Variants in KIAA1549 observed in about 807,000 individuals in gnomAD.
KIAA1549 encodes the protein KIAA1549, also known as UPF0606 protein KIAA1549.
KIAA1549 carries 70 observed loss-of-function variants against 156.4 expected under a neutral mutation model. The observed-to-expected ratio is 0.45, with a 90% CI of 0.37 to 0.55. The LOEUF is 0.55. KIAA1549 is among the 20% of genes least tolerant of loss of function. The pLI is 0.00. For synonymous variants in KIAA1549, 1,103 were observed against 1,066.4 expected (o/e 1.03, Z -0.67); for missense variants, 2,428 against 2,540.9 (o/e 0.96, Z 0.96).
chr7:138,960,162 A>G (rs536608504), intron 1 of KIAA1549, among the ~76,000 whole-genome samples: 1 of 152,112 alleles, frequency 6.6e-6, no homozygotes, highest in Non-Finnish European at 1.5e-5. Flanking sequence ...GAGGCTGGGC[A>G]TGGTGGCTTA....
At chr7:138,926,227 C>T (rs1812713895) in intron 1 of KIAA1549, among the ~76,000 whole-genome samples, 1 of 152,198 alleles carries the variant, frequency 6.6e-6, no homozygotes, top group Non-Finnish European at 1.5e-5. Context: ...CCAACAAAAG[C>T]AGTTGATCAT....
chr7:138,927,586 C>T (rs531387532), intron 1 of KIAA1549, among the ~76,000 whole-genome samples: 7 of 152,298 alleles, frequency 4.6e-5, no homozygotes, highest in Admixed American at 1.3e-4. Context: ...TGCAGTGAGC[C>T]GAAACTGTGC....
intron 1 of KIAA1549, among the ~76,000 whole-genome samples, chr7:138,936,056 A>C (rs1360948336): frequency 6.6e-6 from 1 of 152,202 alleles, no homozygotes; most frequent in Non-Finnish European, 1.5e-5. Context: ...GGCAGAGCGG[A>C]AAGAAGCATA....
At chr7:138,846,578 C>G (rs1484428066) in intron 17 of KIAA1549, among the ~76,000 whole-genome samples, 1 of 150,908 alleles carries the variant, frequency 6.6e-6, no homozygotes, top group Non-Finnish European at 1.5e-5. Context: ...AGCAGTTTCA[C>G]CCACCATTGC....
intron 1 of KIAA1549, among the ~76,000 whole-genome samples, chr7:138,924,176 T>C (rs1812642964): frequency 6.6e-6 from 1 of 150,522 alleles, no homozygotes; most frequent in African/African-American, 2.4e-5. Flanking sequence ...GCTGTTCTTT[T>C]CTTTTCTTTT....
chr7:138,944,422 T>C (rs968607035), intron 1 of KIAA1549, among the ~76,000 whole-genome samples: 2 of 151,906 alleles, frequency 1.3e-5, no homozygotes, highest in Admixed American at 6.6e-5. Flanking sequence ...GGTGAAAATA[T>C]AGAGAAATTG....
At chr7:138,902,331 G>A (rs1478078511) in intron 8 of KIAA1549, among the ~76,000 whole-genome samples, 4 of 152,084 alleles carry the variant, frequency 2.6e-5, no homozygotes, top group East Asian at 3.9e-4. Flanking sequence ...TGTCATTTGC[G>A]TCTTTTTCTC....
intron 17 of KIAA1549, among the ~76,000 whole-genome samples, chr7:138,851,132 CTT>C (rs1273325501): frequency 6.6e-6 from 1 of 152,080 alleles, no homozygotes; most frequent in Non-Finnish European, 1.5e-5. Flanking sequence ...ATCTAATAAT[CTT>C]TGTCTTTTAA....
intron 13 of KIAA1549, 138 bp downstream of exon 13, chr7:138,871,017 ATG>A: frequency 2.8e-6 from 2 of 707,310 alleles, no homozygotes; most frequent in Non-Finnish European, 4.6e-6. Context: ...GCGTTTCACC[ATG>A]TTGGCCAGGC....
rs978624081 is a variant in KIAA1549 at position 138,834,106 on chromosome 7, G to T, written c.*3800C>A. On this transcript the variant is annotated 3_prime_UTR_variant, in exon 20 of 20. Transcript: ENST00000422774. ...GAAGTTGACGTCTCCCCAAGATATT[G>T]CATTTCCAAACATGCAACTTCTTCT... 2 of 221,330 alleles carry T rather than the reference G, an allele frequency of 9.0e-6. No individual in the cohort carries two copies. Among genetic ancestry groups the T allele is most frequent in the African/African-American group, 4.5e-5 (2 of 44,618 alleles). 13.7% of individuals were successfully genotyped at this position (221,330 alleles called of 1,614,324 possible).
At chr7:138,976,882 G>C (rs1444697070) in intron 1 of KIAA1549, among the ~76,000 whole-genome samples, 1 of 152,220 alleles carries the variant, frequency 6.6e-6, no homozygotes, top group East Asian at 1.9e-4. Context: ...TAGAGGCTAA[G>C]GGTGAGTCGT....
At position 138,832,191 on chromosome 7, in the gene KIAA1549, C is replaced by CTTTTTTTTTTTTTTTTT. The variant is rs749938588; in HGVS notation, c.*5698_*5714dup. 5.3e-4 allele frequency: 76 copies of CTTTTTTTTTTTTTTTTT among 143,752 alleles called. 1 individual carries two copies. The highest frequency in any genetic ancestry group is 2.4e-3 in the African/African-American group (73 of 30,002). 8.9% of individuals were successfully genotyped at this position (143,752 alleles called of 1,614,324 possible). A position where few individuals can be genotyped will look rare whatever the true frequency, so the allele number is the denominator to read the frequency against. ...TCACCTCTGTCCCTTTTACCTATTC[C>CTTTTTTTTTTTTTTTTT]TTTTTTTTTTTTTTTTTTTTCCAGA... On this transcript the variant is annotated 3_prime_UTR_variant, in exon 20 of 20. Transcript: ENST00000422774.
chr7:138,854,072 T>A (rs1351863434), intron 16 of KIAA1549, among the ~76,000 whole-genome samples: 2 of 151,528 alleles, frequency 1.3e-5, no homozygotes, highest in Non-Finnish European at 2.9e-5. Context: ...TGAAAAGGTT[T>A]AAAAAAAAAT....
rs777698134 is a variant in KIAA1549 at position 138,869,677 on chromosome 7, C to G, written c.4636G>C (p.Glu1546Gln). Reference protein sequence around the residue: ...RLRAKRRGHYEFPVVDDLSSG... With the variant: ...RLRAKRRGHYQFPVVDDLSSG... ...GACAGGTCGTCTACCACCGGGAACT[C>G]GTAGTGCCCGCGGCGCTTGGCGCGC... Residue 1546 changes from glutamate to glutamine, a missense_variant, in exon 14 of 20, where the codon GAG (glutamate) becomes CAG (glutamine). Transcript: ENST00000422774. 3 of 1,612,406 alleles carry G rather than the reference C, an allele frequency of 1.9e-6. No homozygotes were observed. Among genetic ancestry groups the G allele is most frequent in the Non-Finnish European group, 1.7e-6 (2 of 1,179,830 alleles).
chr7:138,927,154 T>G (rs997065297), intron 1 of KIAA1549, among the ~76,000 whole-genome samples: 11 of 152,252 alleles, frequency 7.2e-5, no homozygotes, highest in Non-Finnish European at 2.9e-5. Flanking sequence ...AATTTTTTCA[T>G]TTTCACTTCA....
chr7:138,967,225 G>A (rs1046265568), intron 1 of KIAA1549, among the ~76,000 whole-genome samples: 4 of 152,160 alleles, frequency 2.6e-5, no homozygotes, highest in African/African-American at 9.7e-5. Flanking sequence ...ACAGTCCAGT[G>A]GAGGAAGGCA....
intron 8 of KIAA1549, 142 bp from the exon 9 acceptor site, chr7:138,899,274 A>C: frequency 1.4e-6 from 1 of 719,424 alleles, no homozygotes; most frequent in Non-Finnish European, 2.4e-6. Flanking sequence ...GGGGCCCAGA[A>C]TCACCATGGT....
intron 11 of KIAA1549, 134 bp downstream of exon 11, chr7:138,881,254 G>A (rs957360314): frequency 6.1e-6 from 5 of 824,040 alleles, no homozygotes; most frequent in Non-Finnish European, 9.2e-6. Context: ...TGTGACTTTG[G>A]GCAAGTCATC....
intron 10 of KIAA1549, 151 bp downstream of exon 10, chr7:138,894,191 C>G (rs534617349): frequency 1.8e-4 from 130 of 713,828 alleles, no homozygotes; most frequent in East Asian, 7.9e-5. Flanking sequence ...GAAGCAGAAA[C>G]AAAGGCAAAG....
Sources: allele counts gnomAD v4.1 joint callset (sites outside exome capture counted in the v4.1 genomes callset), GRCh38; gene constraint gnomAD v4.1.1; transcripts MANE v1.5; gene names NCBI Gene and HGNC (gene_info 2026-07-23, HGNC 2026-07-21).